IL1RAPL2: variants seen among roughly 807,000 people sequenced by gnomAD.
IL1RAPL2 encodes X-linked interleukin-1 receptor accessory protein-like 2.
A neutral mutation model predicts 44.1 loss-of-function variants in IL1RAPL2; 3 were observed. The ratio of observed to expected loss-of-function variants is 0.07; its 90% confidence interval spans 0.03 to 0.18. The LOEUF (loss-of-function observed/expected upper bound fraction) is 0.18, where lower values mean the gene tolerates loss of function less well. IL1RAPL2 is among the 10% of genes least tolerant of loss of function. The pLI, the probability that IL1RAPL2 is intolerant of heterozygous loss-of-function variation, is 1.00. For synonymous variants in IL1RAPL2, 181 were observed against 178.8 expected (o/e 1.01, Z -0.10); for missense variants, 391 against 496.4 (o/e 0.79, Z 2.02).
At chrX:105,575,298 T>C (rs1348114747) in intron 6 of IL1RAPL2, among the ~76,000 whole-genome samples, 60 of 111,315 alleles carry the variant, frequency 5.4e-4, no homozygotes, top group Non-Finnish European at 1.3e-4. Flanking sequence ...CTAGTAGTCA[T>C]TGGTTATTTT....
intron 2 of IL1RAPL2, among the ~76,000 whole-genome samples, chrX:104,679,712 C>A (rs1053536318): frequency 9.0e-6 from 1 of 111,588 alleles, no homozygotes; most frequent in Non-Finnish European, 1.9e-5. Flanking sequence ...CTTTGTCTGC[C>A]ATTTTCACAT....
At chrX:104,599,692 A>G (rs1258450800) in intron 1 of IL1RAPL2, among the ~76,000 whole-genome samples, 1 of 106,685 alleles carries the variant, frequency 9.4e-6, no homozygotes, top group Non-Finnish European at 1.9e-5. Context: ...ACACACACAC[A>G]CACGTAATCA....
At chrX:105,548,791 T>C (rs370513837) in intron 6 of IL1RAPL2, among the ~76,000 whole-genome samples, 7 of 112,123 alleles carry the variant, frequency 6.2e-5, no homozygotes, top group African/African-American at 2.3e-4. Flanking sequence ...GTGAGTTATA[T>C]AGAATAACAT....
chrX:105,394,209 A>T (rs369822121), intron 5 of IL1RAPL2, among the ~76,000 whole-genome samples: 73 of 112,227 alleles, frequency 6.5e-4, no homozygotes, highest in African/African-American at 2.3e-3. Flanking sequence ...TAGCCATTAG[A>T]AAAAGATCTT....
intron 4 of IL1RAPL2, among the ~76,000 whole-genome samples, chrX:105,242,997 G>A (rs1304180841): frequency 9.0e-6 from 1 of 110,667 alleles, no homozygotes; most frequent in Non-Finnish European, 1.9e-5. Flanking sequence ...TACTTGGGAG[G>A]CTGAGGCAGG....
At chrX:104,673,312 A>C in intron 2 of IL1RAPL2, among the ~76,000 whole-genome samples, 1 of 111,378 alleles carries the variant, frequency 9.0e-6, no homozygotes, top group Non-Finnish European at 1.9e-5. Context: ...AGCTTTGTAC[A>C]TATGGCTAGC....
intron 2 of IL1RAPL2, among the ~76,000 whole-genome samples, chrX:105,079,195 A>G (rs2032364185): frequency 8.9e-6 from 1 of 112,051 alleles, no homozygotes; most frequent in Non-Finnish European, 1.9e-5. Context: ...TTGTAGAGAA[A>G]TAGGAATGCT....
At chrX:104,729,734 C>T (rs982697519) in intron 2 of IL1RAPL2, among the ~76,000 whole-genome samples, 2 of 109,972 alleles carry the variant, frequency 1.8e-5, no homozygotes, top group Admixed American at 2.0e-4. Context: ...ATTTAGCTCC[C>T]ACTTACAAGT....
chrX:104,688,477 G>A (rs1169844939), intron 2 of IL1RAPL2, among the ~76,000 whole-genome samples: 1 of 111,223 alleles, frequency 9.0e-6, no homozygotes, highest in African/African-American at 3.3e-5. Context: ...CAGAAATCAT[G>A]CCTCTCTACT....
At chrX:105,415,247 T>C (rs890191143) in intron 5 of IL1RAPL2, among the ~76,000 whole-genome samples, 4 of 112,053 alleles carry the variant, frequency 3.6e-5, no homozygotes, top group African/African-American at 1.3e-4. Context: ...AGGCATAATA[T>C]GTATATCCAC....
chrX:105,336,182 A>G (rs751137065), intron 5 of IL1RAPL2, among the ~76,000 whole-genome samples: 1 of 112,463 alleles, frequency 8.9e-6, no homozygotes, highest in Admixed American at 9.4e-5. Context: ...AAAGAAGATG[A>G]TTGTCATCCA....
chrX:104,903,834 C>T (rs760737157), intron 2 of IL1RAPL2, among the ~76,000 whole-genome samples: 7 of 111,538 alleles, frequency 6.3e-5, no homozygotes, highest in Non-Finnish European at 9.4e-5. Context: ...CAGCCTCAGC[C>T]TCCCAAAGTG....
At chrX:105,383,858 GTGA>G (rs1304913879) in intron 5 of IL1RAPL2, among the ~76,000 whole-genome samples, 1 of 111,612 alleles carries the variant, frequency 9.0e-6, no homozygotes, top group East Asian at 2.8e-4. Flanking sequence ...CTAATGATTG[GTGA>G]TGTGGAAAAT....
chrX:105,647,450 GATTTGA>G (rs1051342040), intron 6 of IL1RAPL2, among the ~76,000 whole-genome samples: 9 of 111,752 alleles, frequency 8.1e-5, no homozygotes, highest in African/African-American at 2.9e-4. Flanking sequence ...AGGCTTAGAT[GATTTGA>G]TTATTTCTTT....
chrX:105,561,767 CT>C (rs1423345885), intron 6 of IL1RAPL2, among the ~76,000 whole-genome samples: 1 of 111,907 alleles, frequency 8.9e-6, no homozygotes, highest in East Asian at 2.8e-4. Context: ...CCCTCCTTGT[CT>C]CTTGACCTTT....
chrX:105,198,994 T>A (rs1291354655), intron 3 of IL1RAPL2, among the ~76,000 whole-genome samples: 1 of 111,351 alleles, frequency 9.0e-6, no homozygotes, highest in Non-Finnish European at 1.9e-5. Context: ...TAAAGTTACT[T>A]TTTTTTTCTT....
intron 3 of IL1RAPL2, among the ~76,000 whole-genome samples, chrX:105,212,396 A>G (rs1261806378): frequency 8.9e-6 from 1 of 111,751 alleles, no homozygotes; most frequent in Non-Finnish European, 1.9e-5. Context: ...GGCTGTGGCC[A>G]GGCTGCTTCT....
intron 4 of IL1RAPL2, among the ~76,000 whole-genome samples, chrX:105,260,534 C>T (rs1396441103): frequency 4.5e-5 from 5 of 110,007 alleles, no homozygotes; most frequent in South Asian, 3.9e-4. Flanking sequence ...CAAACAGCAA[C>T]GATGGTGGCC....
chrX:105,080,279 C>T (rs1451023532), intron 2 of IL1RAPL2, among the ~76,000 whole-genome samples: 2 of 111,879 alleles, frequency 1.8e-5, no homozygotes, highest in African/African-American at 6.5e-5. Flanking sequence ...GTCTTTTAGT[C>T]ATAAAGTCTT....
Sources: gnomAD v4.1 joint callset for allele counts (sites outside exome capture counted in the v4.1 genomes callset) on GRCh38, gnomAD v4.1.1 for gene constraint, MANE v1.5 for transcripts, NCBI Gene and HGNC (gene_info 2026-07-23, HGNC 2026-07-21) for gene names.